Variants in THOC5 observed in about 807,000 individuals in gnomAD.
The protein encoded by THOC5 is Fms-interacting protein.
Under a neutral mutation model 92.9 loss-of-function variants are expected in THOC5, and 43 were observed. The ratio of observed to expected loss-of-function variants is 0.46; its 90% CI spans 0.36 to 0.60. The LOEUF (loss-of-function observed/expected upper bound fraction) is 0.60. Among genes scored for constraint, THOC5 ranks in the 20% least tolerant of loss-of-function variants. The probability of loss-of-function intolerance (pLI) is 0.00; values close to 1 mark genes in which losing one functional copy is unlikely to be tolerated. For missense variants in THOC5, 659 were observed against 849.4 expected, an observed-to-expected ratio of 0.78 and a Z score of 2.79; for synonymous variants, 296 against 320.1, an observed-to-expected ratio of 0.92 and a Z score of 0.80.
At chr22:29,541,171 C>G (rs1370101649) in intron 5 of THOC5, among the ~76,000 whole-genome samples, 1 of 149,176 alleles carries the variant, frequency 6.7e-6, no homozygotes, top group East Asian at 2.0e-4. Flanking sequence ...GGCAACAGAG[C>G]GAGACTTTAT....
chr22:29,513,120 G>A (rs189306488), intron 17 of THOC5, among the ~76,000 whole-genome samples: 42 of 152,222 alleles, frequency 2.8e-4, no homozygotes, highest in Middle Eastern at 3.4e-3. Context: ...GGAGGCCGAG[G>A]TGGGCGGATC....
Position 29,539,576 on chromosome 22 carries a change from G to A in THOC5, c.453-100C>T. 3.1e-6 allele frequency: 4 copies of A among 1,288,576 alleles called. No homozygotes were observed. The South Asian group carries it at 5.8e-5, about 19-fold the overall frequency. The allele number at this position is 1,288,576 out of a possible 1,614,324, so 79.8% of individuals were successfully genotyped here. On this transcript the variant is annotated intron_variant, in intron 5 of 19. Coordinates refer to ENST00000490103, the MANE Select transcript of THOC5 (RefSeq NM_003678.5). Reference sequence around the variant, plus strand: ...CCCCAACATATGCCTGCTTAGTCCTGGTCTACAGGATCCTGGAATCCAGTC... The same window carrying A: ...CCCCAACATATGCCTGCTTAGTCCTAGTCTACAGGATCCTGGAATCCAGTC...
chr22:29,532,683 T>C (rs185905197), intron 7 of THOC5, among the ~76,000 whole-genome samples: 5 of 118,948 alleles, frequency 4.2e-5, no homozygotes, highest in African/African-American at 1.3e-4. Context: ...AAACAAAAAA[T>C]AATAAACAAG....
intron 17 of THOC5, among the ~76,000 whole-genome samples, chr22:29,512,808 G>A (rs2063250401): frequency 6.6e-6 from 1 of 152,162 alleles, no homozygotes; most frequent in Non-Finnish European, 1.5e-5. Context: ...AACCAGAACT[G>A]GCTGATATCA....
Position 29,517,313 on chromosome 22 carries a change from C to A in THOC5, c.1543G>T (p.Val515Phe). The change falls in exon 16 of 20, where the codon GTT becomes TTT. Residue 515 changes from valine to phenylalanine, a missense_variant. By Grantham distance (50) the Val-to-Phe change is conservative. Coordinates refer to ENST00000490103, the MANE Select transcript of THOC5 (RefSeq NM_003678.5). ...ACCCATTTCACCAGGCGAGAGACAA[C>A]CTTGGCAGGGAAGAGGTACTGGCAA... is the stretch of plus-strand genomic sequence containing the variant. Reference protein sequence around the residue: ...SDCQYLFPAKVVSRLVKWVTV... With the variant: ...SDCQYLFPAKFVSRLVKWVTV... 1.2e-6 allele frequency: 2 copies of A among 1,614,226 alleles called. No individual in the cohort carries two copies. The highest frequency in any genetic ancestry group is 1.7e-6 in the Non-Finnish European group (2 of 1,180,042).
At chr22:29,529,052 G>A (rs926440545) in intron 9 of THOC5, 110 bp downstream of exon 9, 1 of 1,109,604 alleles carries the variant, frequency 9.0e-7, no homozygotes. Context: ...AGACATTCAA[G>A]TCAAGCTTCC....
intron 2 of THOC5, 100 bp downstream of exon 2, chr22:29,548,952 T>C (rs76443149): frequency 2.7e-6 from 3 of 1,118,538 alleles, no homozygotes; most frequent in Non-Finnish European, 3.8e-6. Flanking sequence ...CAAAAAGTTG[T>C]ACCTGGTAGA....
At chr22:29,547,791 C>T (rs976804414) in intron 2 of THOC5, among the ~76,000 whole-genome samples, 3 of 152,212 alleles carry the variant, frequency 2.0e-5, no homozygotes, top group African/African-American at 7.2e-5. Flanking sequence ...GTGCCAAAGT[C>T]GCTTCCACAT....
intron 8 of THOC5, among the ~76,000 whole-genome samples, chr22:29,530,217 T>C (rs1474848230): frequency 1.3e-5 from 2 of 151,858 alleles, no homozygotes; most frequent in African/African-American, 4.8e-5. Flanking sequence ...GCTTGTAATT[T>C]TAATTATAAA....
chr22:29,528,381 T>C (rs919084823), intron 10 of THOC5, 45 bp downstream of exon 10: 1 of 1,613,980 alleles, frequency 6.2e-7, no homozygotes, highest in Non-Finnish European at 8.5e-7. Flanking sequence ...CATGCCCCAG[T>C]GCATGCAGCT....
At chr22:29,511,572 T>C in intron 18 of THOC5, 1 of 483,040 alleles carries the variant, frequency 2.1e-6, no homozygotes, top group Non-Finnish European at 3.7e-6. Flanking sequence ...AAATAAGACC[T>C]AAGTCAGAAG....
chr22:29,552,044 C>T (rs2064162715), intron 1 of THOC5, among the ~76,000 whole-genome samples: 1 of 152,202 alleles, frequency 6.6e-6, no homozygotes, highest in Admixed American at 6.5e-5. Context: ...GCCTCGGCCT[C>T]CCGAGGTGCC....
chr22:29,534,298 G>A (rs949830652), intron 7 of THOC5, among the ~76,000 whole-genome samples: 1 of 152,144 alleles, frequency 6.6e-6, no homozygotes, highest in Non-Finnish European at 1.5e-5. Context: ...CTGCGAGGGG[G>A]AATAAAGGAG....
Position 29,517,001 on chromosome 22 carries a change from GA to G in THOC5, c.1681+27del, listed in dbSNP as rs749552634. 3.1e-6 allele frequency: 5 copies of G among 1,611,750 alleles called. No homozygotes were observed. In the African/African-American group the frequency reaches 6.7e-5, roughly 21 times the overall value. Reference sequence around the variant, plus strand: ...GATTCTTGGCAGCGCCCTTTGTCTAGAACCCCTGTAATCAGCAGAGCAATTA... The same window carrying G: ...GATTCTTGGCAGCGCCCTTTGTCTAGACCCCTGTAATCAGCAGAGCAATTA... On this transcript the variant is annotated intron_variant, in intron 17 of 19. Coordinates refer to ENST00000490103, the MANE Select transcript of THOC5 (RefSeq NM_003678.5).
chr22:29,549,280 A>G (rs2146571289), intron 1 of THOC5, 122 bp from the exon 2 acceptor site: 1 of 742,626 alleles, frequency 1.3e-6, no homozygotes, highest in Non-Finnish European at 2.3e-6. Context: ...TCAAAGCCTC[A>G]ATTTAACCCT....
intron 1 of THOC5, chr22:29,553,317 C>T (rs1014609499): frequency 2.0e-5 from 3 of 153,168 alleles, no homozygotes; most frequent in African/African-American, 7.2e-5. Context: ...CTACAAAGAC[C>T]GGACCTGAAA....
rs372902253 is a variant in THOC5 at position 29,515,051 on chromosome 22, G to GTT, written c.1681+1976_1681+1977dup. Among the ~76,000 whole-genome samples, 31 of 146,744 alleles carry GTT rather than the reference G, an allele frequency of 2.1e-4. No homozygotes were observed. In the East Asian group the frequency reaches 5.4e-3, roughly 26 times the overall value. ...GGTATATATATTGTTTTTTGTTGTT[G>GTT]TTTTTTTTGAAAGAGAGTCTTGCTC... On this transcript the variant is annotated intron_variant, in intron 17 of 19. Transcript: ENST00000490103.
intron 1 of THOC5, among the ~76,000 whole-genome samples, chr22:29,549,819 A>G (rs2064105429): frequency 6.6e-6 from 1 of 151,684 alleles, no homozygotes; most frequent in Admixed American, 6.6e-5. Context: ...CAGTTCCCCA[A>G]ACACTCCATG....
Position 29,517,049 on chromosome 22 carries a change from G to A in THOC5, c.1661C>T (p.Ala554Val), listed in dbSNP as rs774555001. The A allele has an allele frequency of 5.6e-6, 9 of 1,614,000 alleles. No individual in the cohort carries two copies. The highest frequency in any genetic ancestry group is 4.0e-5 in the African/African-American group (3 of 74,908). Residue 554 changes from alanine (A) to valine (V), a missense_variant, in exon 17 of 20, where the codon GCG (alanine) becomes GTG (valine). By Grantham distance (64) the Ala-to-Val change is moderately conservative. Transcript: ENST00000490103. The part of the protein sequence containing the change: ...LAGDTNLYYM[A>V]LIERGTAKLQ... Reference sequence around the variant, plus strand: ...ATTACCTGTGCCCCTTTCGATGAGCGCCATGTAGTAGAGATTGGTGTCCCC... The same window carrying A: ...ATTACCTGTGCCCCTTTCGATGAGCACCATGTAGTAGAGATTGGTGTCCCC...
Sources: allele counts gnomAD v4.1 joint callset (sites outside exome capture counted in the v4.1 genomes callset), GRCh38; gene constraint gnomAD v4.1.1; transcripts MANE v1.5; gene names NCBI Gene and HGNC (gene_info 2026-07-23, HGNC 2026-07-21).